DPYD: variants seen among roughly 807,000 people sequenced by gnomAD.
DPYD encodes the protein dihydropyrimidine dehydrogenase [NADP(+)].
A neutral mutation model predicts 116.2 loss-of-function variants in DPYD; 109 were observed. The observed-to-expected ratio is 0.94, with a 90% CI of 0.80 to 1.10. The LOEUF (loss-of-function observed/expected upper bound fraction) is 1.10. Among genes scored for constraint, DPYD ranks in the 50% least tolerant of loss-of-function variants. The pLI is 0.00. For synonymous variants in DPYD, 440 were observed against 432.0 expected, an observed-to-expected ratio of 1.02 and a Z score of -0.23; for missense variants, 1,302 against 1,254.5, an observed-to-expected ratio of 1.04 and a Z score of -0.57.
At chr1:97,470,946 C>T (rs1677612628) in intron 13 of DPYD, among the ~76,000 whole-genome samples, 1 of 151,870 alleles carries the variant, frequency 6.6e-6, no homozygotes, top group African/African-American at 2.4e-5. Flanking sequence ...GCTGAGATCG[C>T]ATCACTGCAC....
intron 19 of DPYD, among the ~76,000 whole-genome samples, chr1:97,204,217 A>AT (rs1471558914): frequency 6.6e-6 from 1 of 152,166 alleles, no homozygotes; most frequent in African/African-American, 2.4e-5. Flanking sequence ...TACTAAACTC[A>AT]TTTTTAATCC....
intron 13 of DPYD, among the ~76,000 whole-genome samples, chr1:97,460,755 A>G (rs1314573692): frequency 6.6e-6 from 1 of 152,118 alleles, no homozygotes; most frequent in Non-Finnish European, 1.5e-5. Context: ...AAGAAGAGAC[A>G]CGGCCAGGCA....
intron 12 of DPYD, among the ~76,000 whole-genome samples, chr1:97,547,516 T>C (rs1371742785): frequency 6.6e-6 from 1 of 151,864 alleles, no homozygotes; most frequent in Non-Finnish European, 1.5e-5. Context: ...GTTCTTTTTC[T>C]TTCTTTCTTT....
At chr1:97,521,362 T>G (rs1397088698) in intron 12 of DPYD, among the ~76,000 whole-genome samples, 4 of 152,160 alleles carry the variant, frequency 2.6e-5, no homozygotes. Context: ...ACAAGGAATG[T>G]GAAGGACTTC....
chr1:97,618,377 C>A (rs78983715), intron 8 of DPYD, among the ~76,000 whole-genome samples: 1 of 136,362 alleles, frequency 7.3e-6, no homozygotes, highest in African/African-American at 2.7e-5. Flanking sequence ...GATTTTTTTT[C>A]TTTTTTTTTT....
intron 11 of DPYD, among the ~76,000 whole-genome samples, chr1:97,560,808 AT>A (rs1414078875): frequency 6.6e-6 from 1 of 152,158 alleles, no homozygotes; most frequent in Non-Finnish European, 1.5e-5. Flanking sequence ...GATCATAGCA[AT>A]TATGGAGGGT....
At chr1:97,242,124 G>GTGTATA (rs1491301396) in intron 18 of DPYD, among the ~76,000 whole-genome samples, 18 of 35,866 alleles carry the variant, frequency 5.0e-4, no homozygotes, top group Non-Finnish European at 3.9e-4. Flanking sequence ...GTGTGCGTGT[G>GTGTATA]TATATATATA....
At chr1:97,148,497 G>C (rs1263923125) in intron 20 of DPYD, among the ~76,000 whole-genome samples, 3 of 152,076 alleles carry the variant, frequency 2.0e-5, no homozygotes, top group Non-Finnish European at 4.4e-5. Context: ...TGAATACTAA[G>C]AATTATTTTA....
chr1:97,509,988 AAC>A (rs1245869510), intron 13 of DPYD, among the ~76,000 whole-genome samples: 6 of 151,994 alleles, frequency 3.9e-5, no homozygotes, highest in Non-Finnish European at 8.8e-5. Flanking sequence ...GATTAAAAGA[AAC>A]AATTCAAAAC....
chr1:97,752,481 C>T (rs1664988214), intron 3 of DPYD, among the ~76,000 whole-genome samples: 1 of 152,078 alleles, frequency 6.6e-6, no homozygotes. Flanking sequence ...TTTTTAAAAT[C>T]CCTGTCTGAT....
intron 6 of DPYD, among the ~76,000 whole-genome samples, chr1:97,692,238 T>G (rs1661047233): frequency 6.6e-6 from 1 of 152,114 alleles, no homozygotes; most frequent in South Asian, 2.1e-4. Context: ...ATACATAGTC[T>G]ATAAATGTAC....
At chr1:97,697,635 A>C (rs540425674) in intron 6 of DPYD, among the ~76,000 whole-genome samples, 6 of 152,184 alleles carry the variant, frequency 3.9e-5, no homozygotes, top group Admixed American at 3.3e-4. Context: ...ACAACTTTAA[A>C]AGAAAAACCA....
intron 3 of DPYD, among the ~76,000 whole-genome samples, chr1:97,791,959 CATA>C (rs928311701): frequency 8.5e-5 from 13 of 152,074 alleles, no homozygotes; most frequent in Admixed American, 1.3e-4. Flanking sequence ...GCAGAGTGCT[CATA>C]ATATTTTGAG....
rs1250924101 is a variant in DPYD at position 97,206,661 on chromosome 1, TATATATATATATATATA to T, written c.2443-13430_2443-13414del. Among the ~76,000 whole-genome samples the T allele has an allele frequency of 1.1e-4, 13 of 114,054 alleles. 1 individual carries two copies. Among genetic ancestry groups the T allele is most frequent in the African/African-American group, 6.4e-5 (2 of 31,260 alleles). 74.8% of individuals were successfully genotyped at this position (114,054 alleles called of 152,430 possible). ...TTTTATATATATATATATATATATA[TATATATATATATATATA>T]TATATATATAATCTATATGCTTATA... On this transcript the variant is annotated intron_variant, in intron 19 of 22. Coordinates refer to ENST00000370192, the MANE Select transcript of DPYD (RefSeq NM_000110.4).
chr1:97,911,299 G>C (rs947574305), intron 1 of DPYD, among the ~76,000 whole-genome samples: 1 of 151,960 alleles, frequency 6.6e-6, no homozygotes, highest in African/African-American at 2.4e-5. Context: ...TCCAGTCTTG[G>C]AATGAAAGGG....
intron 3 of DPYD, among the ~76,000 whole-genome samples, chr1:97,818,757 T>C (rs1026960258): frequency 2.0e-5 from 3 of 152,030 alleles, no homozygotes; most frequent in Non-Finnish European, 2.9e-5. Context: ...CAAATGTGTG[T>C]ATCCGTGTGT....
intron 11 of DPYD, among the ~76,000 whole-genome samples, chr1:97,562,429 CT>C (rs1652215075): frequency 6.6e-6 from 1 of 151,964 alleles, no homozygotes; most frequent in Non-Finnish European, 1.5e-5. Context: ...CTTTCACATA[CT>C]TGTATGGAAA....
chr1:97,567,151 C>T (rs1652576624), intron 11 of DPYD, among the ~76,000 whole-genome samples: 1 of 151,934 alleles, frequency 6.6e-6, no homozygotes, highest in African/African-American at 2.4e-5. Context: ...TGAGTTAGGC[C>T]AGAACAAGGC....
At chr1:97,393,853 T>G (rs926446558) in intron 14 of DPYD, among the ~76,000 whole-genome samples, 1 of 152,158 alleles carries the variant, frequency 6.6e-6, no homozygotes, top group Non-Finnish European at 1.5e-5. Context: ...TCTAGATCCT[T>G]GAGGAACTGC....
Sources: allele counts gnomAD v4.1 joint callset (sites outside exome capture counted in the v4.1 genomes callset), GRCh38; gene constraint gnomAD v4.1.1; transcripts MANE v1.5; gene names NCBI Gene and HGNC (gene_info 2026-07-23, HGNC 2026-07-21).